The following PTPRN2 variants were observed in gnomAD, a reference collection of about 807,000 sequenced individuals.
The protein encoded by PTPRN2 is protein tyrosine phosphatase receptor type N2, also known as receptor-type tyrosine-protein phosphatase N2.
In PTPRN2, 74 loss-of-function variants were observed where a neutral mutation model predicts 118.8. That is an observed-to-expected ratio of 0.62 (90% CI 0.52 to 0.76). PTPRN2 has a LOEUF of 0.76. Ranked by LOEUF, PTPRN2 falls within the 30% of genes least tolerant of loss-of-function variation. The pLI, the probability that PTPRN2 is intolerant of heterozygous loss-of-function variation, is 0.00. For synonymous variants in PTPRN2, 641 were observed against 608.0 expected, an observed-to-expected ratio of 1.05 and a Z score of -0.80; for missense variants, 1,481 against 1,394.4, an observed-to-expected ratio of 1.06 and a Z score of -0.99.
In PTPRN2 at chr7:158,372,834, C is replaced by G. The variant is rs1310366474; in HGVS notation, c.164-55902G>C. On this transcript the variant is annotated intron_variant, in intron 2 of 22. Coordinates refer to ENST00000389418, the MANE Select transcript of PTPRN2 (RefSeq NM_002847.5). ...TATATTAAGCAAACAAATCAAAAGG[C>G]ATGCATAGTCCTGACAGGCAGAGTT... Among the ~76,000 whole-genome samples, 10 of 152,234 alleles carry G rather than the reference C, an allele frequency of 6.6e-5. No individual in the cohort carries two copies. In the East Asian group the frequency reaches 1.9e-3, roughly 29 times the overall value.
chr7:158,385,408 G>A (rs879936872), intron 2 of PTPRN2, among the ~76,000 whole-genome samples: 39 of 152,226 alleles, frequency 2.6e-4, no homozygotes, highest in Non-Finnish European at 5.4e-4. Flanking sequence ...CAACAACCAA[G>A]TAGAATTGGC....
chr7:157,853,995 G>A (rs534716536), intron 12 of PTPRN2, among the ~76,000 whole-genome samples: 2 of 152,324 alleles, frequency 1.3e-5, no homozygotes, highest in African/African-American at 4.8e-5. Flanking sequence ...AGAGATCTGG[G>A]ACAGATTCTT....
intron 3 of PTPRN2, among the ~76,000 whole-genome samples, chr7:158,284,351 C>G (rs1236718730): frequency 6.6e-6 from 1 of 152,120 alleles, no homozygotes; most frequent in Non-Finnish European, 1.5e-5. Context: ...GCACTGGGCA[C>G]TGTGTGTGTG....
At chr7:158,294,634 C>T (rs1182949096) in intron 3 of PTPRN2, among the ~76,000 whole-genome samples, 7 of 151,842 alleles carry the variant, frequency 4.6e-5, no homozygotes, top group African/African-American at 1.7e-4. Context: ...CTGAGCCAGG[C>T]CAGGCAGGAG....
chr7:158,369,443 C>A (rs1809793187), intron 2 of PTPRN2, among the ~76,000 whole-genome samples: 1 of 151,950 alleles, frequency 6.6e-6, no homozygotes, highest in African/African-American at 2.4e-5. Flanking sequence ...CAGAACAGGA[C>A]CCCCCCAACC....
chr7:158,143,042 A>G (rs1318696033), intron 6 of PTPRN2, among the ~76,000 whole-genome samples: 1 of 152,010 alleles, frequency 6.6e-6, no homozygotes, highest in Non-Finnish European at 1.5e-5. Flanking sequence ...GCCCAGAGCA[A>G]CCTTTTCATT....
chr7:158,205,691 A>G (rs1257225299), intron 3 of PTPRN2, among the ~76,000 whole-genome samples: 1 of 152,156 alleles, frequency 6.6e-6, no homozygotes, highest in Non-Finnish European at 1.5e-5. Flanking sequence ...AGGGTGGAAA[A>G]GATCATTTGG....
chr7:158,085,957 A>G (rs1027196056), intron 10 of PTPRN2, among the ~76,000 whole-genome samples: 3 of 151,686 alleles, frequency 2.0e-5, no homozygotes, highest in African/African-American at 7.3e-5. Context: ...CACGACGCCC[A>G]TCCACACACA....
intron 11 of PTPRN2, among the ~76,000 whole-genome samples, chr7:158,059,768 G>A (rs1326253996): frequency 7.1e-4 from 44 of 61,680 alleles, no homozygotes; most frequent in Admixed American, 1.2e-3. Context: ...CCACGGTGAC[G>A]CATCACTGCA....
chr7:158,478,374 G>C (rs901289107), intron 2 of PTPRN2, among the ~76,000 whole-genome samples: 1 of 152,206 alleles, frequency 6.6e-6, no homozygotes, highest in African/African-American at 2.4e-5. Context: ...CATTCTCCTG[G>C]CATTCGGTGC....
At chr7:158,538,829 C>G (rs1029860114) in intron 1 of PTPRN2, among the ~76,000 whole-genome samples, 1 of 152,198 alleles carries the variant, frequency 6.6e-6, no homozygotes, top group Non-Finnish European at 1.5e-5. Flanking sequence ...ACCCCAACAA[C>G]AGGCCCCGGA....
At chr7:157,825,129 T>C (rs991775752) in intron 12 of PTPRN2, among the ~76,000 whole-genome samples, 1 of 152,150 alleles carries the variant, frequency 6.6e-6, no homozygotes, top group African/African-American at 2.4e-5. Flanking sequence ...GTGGATGAAG[T>C]TTCTCTTTCC....
At chr7:158,351,928 TCCG>T (rs1807988006) in intron 2 of PTPRN2, among the ~76,000 whole-genome samples, 1 of 54,546 alleles carries the variant, frequency 1.8e-5, no homozygotes, top group Non-Finnish European at 3.7e-5. Context: ...TCCCCTCCTG[TCCG>T]CTCCCCTCCT....
chr7:157,678,692 T>C (rs1796783165), intron 13 of PTPRN2, among the ~76,000 whole-genome samples: 1 of 152,176 alleles, frequency 6.6e-6, no homozygotes, highest in African/African-American at 2.4e-5. Context: ...CCCGGATGCA[T>C]GCTTTCCTCT....
At position 157,785,624 on chromosome 7, in the gene PTPRN2, G is replaced by A. The variant is rs2151063081; in HGVS notation, c.1789-102687C>T. The stretch of plus-strand genomic sequence containing the variant: ...AGCTTCTCCCAGGACCAGGGTCCCT[G>A]CTTTCTGCAGACGGTGGGCAGAGGG... On this transcript the variant is annotated intron_variant, in intron 12 of 22. Coordinates refer to ENST00000389418, the MANE Select transcript of PTPRN2 (RefSeq NM_002847.5). This position sits in a 1 kb window ranked among gnomAD's most constrained non-coding sequence, Gnocchi z 7.3. Among the ~76,000 whole-genome samples, 1 of 152,304 alleles carries A rather than the reference G, an allele frequency of 6.6e-6. No homozygotes were observed. The highest frequency in any genetic ancestry group is 6.5e-5 in the Admixed American group (1 of 15,308).
intron 2 of PTPRN2, among the ~76,000 whole-genome samples, chr7:158,450,996 A>G (rs1386986634): frequency 1.3e-5 from 2 of 152,120 alleles, no homozygotes; most frequent in African/African-American, 4.8e-5. Flanking sequence ...TCCCCGCCCC[A>G]CGTCGCAGCT....
At chr7:158,065,714 C>T (rs1359411630) in intron 11 of PTPRN2, among the ~76,000 whole-genome samples, 3 of 152,086 alleles carry the variant, frequency 2.0e-5, no homozygotes, top group African/African-American at 7.2e-5. Flanking sequence ...ATTTTCAGAA[C>T]AGTAAAGTCA....
chr7:158,214,691 G>A (rs1431068930), intron 3 of PTPRN2, among the ~76,000 whole-genome samples: 1 of 152,094 alleles, frequency 6.6e-6, no homozygotes, highest in East Asian at 1.9e-4. Context: ...CCATTGGGTT[G>A]TAATTACCAC....
At chr7:158,283,558 C>T (rs1216052480) in intron 3 of PTPRN2, among the ~76,000 whole-genome samples, 1 of 152,046 alleles carries the variant, frequency 6.6e-6, no homozygotes, top group Non-Finnish European at 1.5e-5. Flanking sequence ...ATGCAGGTGA[C>T]AAGGACATAG....
Sources: allele counts gnomAD v4.1 joint callset (sites outside exome capture counted in the v4.1 genomes callset), GRCh38; gene constraint gnomAD v4.1.1; non-coding constraint Gnocchi (gnomAD v3.1); transcripts MANE v1.5; gene names NCBI Gene and HGNC (gene_info 2026-07-23, HGNC 2026-07-21).